MAP3K5: variants seen among roughly 807,000 people sequenced by gnomAD.
MAP3K5 encodes ASK-1.
MAP3K5 carries 56 observed loss-of-function variants against 158.7 expected under a neutral mutation model. The observed-to-expected ratio is 0.35, with a 90% CI of 0.28 to 0.44. The LOEUF (loss-of-function observed/expected upper bound fraction) is 0.44. MAP3K5 is among the 20% of genes least tolerant of loss of function. The pLI is 1.00. For synonymous variants in MAP3K5, 579 were observed against 601.7 expected (o/e 0.96, Z 0.55); for missense variants, 1,294 against 1,674.8 (o/e 0.77, Z 3.97).
In MAP3K5 at chr6:136,622,958, AT is replaced by A; in HGVS notation, c.2039del (p.Asn680MetfsTer7). ...LLEYDYEYDE[N>X]GDRVVLGKGT... ...CTTTTCCTAAAACGACTCTGTCACCATTTTCATCATATTCATAGTCATACTA... is the reference window on the plus strand; with the variant it reads ...CTTTTCCTAAAACGACTCTGTCACCATTTCATCATATTCATAGTCATACTA... On this transcript the variant is annotated frameshift_variant, in exon 15 of 30. Coordinates refer to ENST00000359015, the MANE Select transcript of MAP3K5 (RefSeq NM_005923.4). LOFTEE classifies it high-confidence loss of function. 1 of 1,613,784 alleles carries A rather than the reference AT, an allele frequency of 6.2e-7. No homozygotes were observed. The highest frequency in any genetic ancestry group is 8.5e-7 in the Non-Finnish European group (1 of 1,179,764).
chr6:136,730,172 T>G (rs528087023), intron 1 of MAP3K5, among the ~76,000 whole-genome samples: 1,676 of 135,304 alleles, frequency 0.012, 18 homozygotes, highest in African/African-American at 0.047. Flanking sequence ...TTTTTGTTTT[T>G]TGTTTTTGTA....
Position 136,618,709 on chromosome 6 carries a change from G to A in MAP3K5, c.2150+4139C>T, listed in dbSNP as rs553446168. ...AGGACTAAAAGAAAAATTTTAAGAT[G>A]ACAACTTTATATATATTACCTAGGT... On this transcript the variant is annotated intron_variant, in intron 15 of 29. Coordinates refer to ENST00000359015, the MANE Select transcript of MAP3K5 (RefSeq NM_005923.4). Among the ~76,000 whole-genome samples the A allele has an allele frequency of 9.2e-5, 14 of 152,236 alleles. No individual in the cohort carries two copies. The South Asian group carries it at 2.9e-3, about 32-fold the overall frequency.
intron 1 of MAP3K5, among the ~76,000 whole-genome samples, chr6:136,757,575 ATTTATTTTTTAT>A (rs1379283655): frequency 9.0e-6 from 1 of 111,314 alleles, no homozygotes; most frequent in African/African-American, 3.3e-5. Flanking sequence ...AGATTTATTT[ATTTATTTTTTAT>A]TTTTTTTTTT....
intron 7 of MAP3K5, among the ~76,000 whole-genome samples, chr6:136,674,673 GAAC>G (rs1407978537): frequency 4.0e-5 from 6 of 151,816 alleles, no homozygotes; most frequent in Non-Finnish European, 1.5e-5. Flanking sequence ...AAATTAGACT[GAAC>G]AATAACAGCA....
intron 1 of MAP3K5, among the ~76,000 whole-genome samples, chr6:136,768,870 G>A (rs1180252335): frequency 6.6e-6 from 1 of 151,478 alleles, no homozygotes; most frequent in Non-Finnish European, 1.5e-5. Context: ...CCAAGATCGT[G>A]CCACTGCACT....
chr6:136,628,098 C>T (rs1351229570), intron 14 of MAP3K5, among the ~76,000 whole-genome samples: 2 of 151,824 alleles, frequency 1.3e-5, no homozygotes, highest in Non-Finnish European at 2.9e-5. Flanking sequence ...AAGCATTTTT[C>T]CAATAGATAT....
chr6:136,764,974 A>G (rs543850950), intron 1 of MAP3K5, among the ~76,000 whole-genome samples: 16 of 152,268 alleles, frequency 1.1e-4, no homozygotes, highest in African/African-American at 3.8e-4. Context: ...GATCAGTATT[A>G]CCATGTGTGT....
intron 1 of MAP3K5, among the ~76,000 whole-genome samples, chr6:136,726,426 C>T (rs2016706): frequency 1.3e-5 from 2 of 152,150 alleles, no homozygotes; most frequent in African/African-American, 4.8e-5. Context: ...AACCCTGTCT[C>T]TACTAAAAAT....
chr6:136,567,540 G>A (rs1774172414), intron 26 of MAP3K5, 91 bp downstream of exon 26: 2 of 1,332,064 alleles, frequency 1.5e-6, no homozygotes, highest in South Asian at 2.9e-5. Context: ...CCATGAATGG[G>A]ATAAGGGAAT....
At chr6:136,570,703 A>T (rs571199104) in intron 25 of MAP3K5, among the ~76,000 whole-genome samples, 91 of 152,326 alleles carry the variant, frequency 6.0e-4, no homozygotes, top group African/African-American at 2.1e-3. Context: ...CTGAGTACAC[A>T]GTTCAGTAGT....
At chr6:136,736,983 C>T (rs1782488774) in intron 1 of MAP3K5, among the ~76,000 whole-genome samples, 1 of 144,712 alleles carries the variant, frequency 6.9e-6, no homozygotes, top group African/African-American at 2.7e-5. Flanking sequence ...TGTGTACAGC[C>T]ATGTTGTTAT....
intron 26 of MAP3K5, among the ~76,000 whole-genome samples, 172 bp from the exon 27 acceptor site, chr6:136,562,787 C>CA: frequency 6.6e-6 from 1 of 151,274 alleles, no homozygotes; most frequent in East Asian, 2.0e-4. Flanking sequence ...CCTCCCATCT[C>CA]AGTTTTCCAA....
chr6:136,574,995 CT>C (rs930797296), intron 25 of MAP3K5, among the ~76,000 whole-genome samples: 23 of 150,882 alleles, frequency 1.5e-4, no homozygotes, highest in African/African-American at 4.6e-4. Context: ...GGCCTAAACA[CT>C]TTTTTTTTAA....
chr6:136,768,845 G>A (rs1169334620), intron 1 of MAP3K5, among the ~76,000 whole-genome samples: 3 of 151,896 alleles, frequency 2.0e-5, no homozygotes, highest in East Asian at 1.9e-4. Flanking sequence ...CCCAGGAGAC[G>A]GAGGTTGCAG....
In MAP3K5 at chr6:136,687,404, A is replaced by C. The variant is rs187166224; in HGVS notation, c.1253+6736T>G. ...CTAAAACACCAAAAGCAATGGCAAC[A>C]AAAGCCAAAATAGACAAATGGGATC... On this transcript the variant is annotated intron_variant, in intron 7 of 29. Coordinates refer to ENST00000359015, the MANE Select transcript of MAP3K5 (RefSeq NM_005923.4). 2.0e-5 allele frequency among the ~76,000 whole-genome samples: 3 copies of C among 152,344 alleles called. No individual in the cohort carries two copies. The East Asian group carries it at 5.8e-4, about 29-fold the overall frequency.
At chr6:136,638,814 T>G (rs1163805679) in intron 13 of MAP3K5, among the ~76,000 whole-genome samples, 12 of 152,228 alleles carry the variant, frequency 7.9e-5, no homozygotes, top group Non-Finnish European at 1.3e-4. Flanking sequence ...ATTCAAATAG[T>G]AATTATTTAA....
chr6:136,665,818 C>T (rs1779206310), intron 8 of MAP3K5, among the ~76,000 whole-genome samples: 1 of 152,014 alleles, frequency 6.6e-6, no homozygotes, highest in Admixed American at 6.6e-5. Flanking sequence ...ATGACTTTTC[C>T]TTGATTATCT....
intron 1 of MAP3K5, among the ~76,000 whole-genome samples, chr6:136,737,959 G>A (rs1782545659): frequency 6.6e-6 from 1 of 152,146 alleles, no homozygotes; most frequent in Admixed American, 6.5e-5. Flanking sequence ...CTGGGAAGAA[G>A]GGACATTCCT....
intron 11 of MAP3K5, among the ~76,000 whole-genome samples, chr6:136,645,666 A>G (rs1778218930): frequency 6.6e-6 from 1 of 152,182 alleles, no homozygotes; most frequent in Admixed American, 6.5e-5. Context: ...CAAATAGAGA[A>G]CTGTTAAAAG....
Sources: gnomAD v4.1 joint callset for allele counts (sites outside exome capture counted in the v4.1 genomes callset) on GRCh38, gnomAD v4.1.1 for gene constraint, MANE v1.5 for transcripts, NCBI Gene and HGNC (gene_info 2026-07-23, HGNC 2026-07-21) for gene names.